The following LYRM7 variants were observed in gnomAD, a reference collection of about 807,000 sequenced individuals.
LYRM7 encodes complex III assembly factor LYRM7.
Under a neutral mutation model 15.8 loss-of-function variants are expected in LYRM7, and 9 were observed. That is an observed-to-expected ratio of 0.57 (90% CI 0.34 to 0.99). The LOEUF (loss-of-function observed/expected upper bound fraction) is 0.99. Among genes scored for constraint, LYRM7 ranks in the 50% least tolerant of loss-of-function variants. The pLI is 0.02. For synonymous variants in LYRM7, 39 were observed against 39.4 expected, an observed-to-expected ratio of 0.99 and a Z score of 0.04; for missense variants, 115 against 119.1, an observed-to-expected ratio of 0.97 and a Z score of 0.16.
At position 131,204,638 on chromosome 5, in the gene LYRM7, C is replaced by T. The variant is rs1369096920; in HGVS notation, c.*5037C>T. On this transcript the variant is annotated 3_prime_UTR_variant, in exon 5 of 5. Transcript: ENST00000379380. ...ATTTCAGATTTTCAGATTTGGAGTG[C>T]TCAACCAGTAAGTATATAATGCAAA... is the stretch of plus-strand genomic sequence containing the variant. The T allele has an allele frequency of 6.7e-6, 1 of 149,862 alleles. No individual in the cohort carries two copies. Among genetic ancestry groups the T allele is most frequent in the Non-Finnish European group, 1.5e-5 (1 of 67,698 alleles). 9.3% of individuals were successfully genotyped at this position (149,862 alleles called of 1,614,324 possible).
At position 131,181,453 on chromosome 5, in the gene LYRM7, A is replaced by AACATATATATGTATATATATAT. The variant is rs1173620682; in HGVS notation, c.92-775_92-774insCATATATATGTATATATATATA. 3.5e-4 allele frequency among the ~76,000 whole-genome samples: 44 copies of AACATATATATGTATATATATAT among 124,026 alleles called. 1 individual carries two copies. The highest frequency in any genetic ancestry group is 8.0e-4 in the Admixed American group (9 of 11,220). The allele number at this position is 124,026 out of a possible 152,430, so 81.4% of individuals were successfully genotyped here. ...TAACATATATATGTATATATATATAAAACATATATATGTATATATATATAA... is the reference window on the plus strand; with the variant it reads ...TAACATATATATGTATATATATATAAACATATATATGTATATATATATAACATATATATGTATATATATATAA... On this transcript the variant is annotated intron_variant, in intron 2 of 4. Transcript: ENST00000379380.
chr5:131,199,523 T>TCTTTC lies in LYRM7; in HGVS notation c.245-7_245-3dup. 3 of 1,562,230 alleles carry TCTTTC rather than the reference T, an allele frequency of 1.9e-6. No individual in the cohort carries two copies. Among genetic ancestry groups the TCTTTC allele is most frequent in the Non-Finnish European group, 2.6e-6 (3 of 1,155,356 alleles). On this transcript the variant is annotated splice_region_variant and splice_polypyrimidine_tract_variant and intron_variant, in intron 4 of 4. Transcript: ENST00000379380. ...TGTTAATTATTCTCTTTTTTTTTTT[T>TCTTTC]CTTTCAGAACTGGTCCCTAGGAAAG...
At chr5:131,182,872 A>G (rs1205715089) in intron 3 of LYRM7, among the ~76,000 whole-genome samples, 2 of 152,156 alleles carry the variant, frequency 1.3e-5, no homozygotes, top group Non-Finnish European at 2.9e-5. Context: ...TATATTATGT[A>G]TTCTGGCATA....
At chr5:131,189,768 C>G (rs1755856368) in intron 4 of LYRM7, among the ~76,000 whole-genome samples, 1 of 152,156 alleles carries the variant, frequency 6.6e-6, no homozygotes, top group South Asian at 2.1e-4. Flanking sequence ...TATAATAGAT[C>G]TTCCTACCTG....
chr5:131,197,541 C>CTTTTTTTTTTTTTTT (rs60003952), intron 4 of LYRM7, among the ~76,000 whole-genome samples: 2 of 90,748 alleles, frequency 2.2e-5, no homozygotes, highest in Non-Finnish European at 2.0e-5. Flanking sequence ...TGTCTTCTGT[C>CTTTTTTTTTTTTTTT]TTTTTTTTTT....
At chr5:131,191,447 A>G (rs1561547605) in intron 4 of LYRM7, among the ~76,000 whole-genome samples, 1 of 152,188 alleles carries the variant, frequency 6.6e-6, no homozygotes, top group Non-Finnish European at 1.5e-5. Flanking sequence ...TTGGAAGAGT[A>G]ATCACCTTGT....
chr5:131,181,275 G>GAAAAAA (rs1195878324), intron 2 of LYRM7, among the ~76,000 whole-genome samples: 2 of 8,340 alleles, frequency 2.4e-4, no homozygotes, highest in Non-Finnish European at 2.8e-4. Context: ...GACTCCATCT[G>GAAAAAA]AAAAAAAAAA....
intron 3 of LYRM7, among the ~76,000 whole-genome samples, chr5:131,183,060 A>G (rs956280894): frequency 2.6e-5 from 4 of 152,132 alleles, no homozygotes; most frequent in African/African-American, 9.7e-5. Flanking sequence ...TTTAAAAAGA[A>G]TCCTTTTTAA....
chr5:131,187,755 G>A (rs1015059246), intron 4 of LYRM7, among the ~76,000 whole-genome samples: 3 of 152,038 alleles, frequency 2.0e-5, no homozygotes, highest in African/African-American at 7.2e-5. Context: ...CAAAGTGCTG[G>A]TATTACATGC....
intron 1 of LYRM7, among the ~76,000 whole-genome samples, chr5:131,173,709 A>T (rs1390417234): frequency 2.6e-5 from 4 of 152,232 alleles, no homozygotes. Context: ...AGATCGCACC[A>T]TTGCACTCCA....
At chr5:131,175,749 G>GGTTTGGTTTGGTTTT (rs138957867) in intron 1 of LYRM7, among the ~76,000 whole-genome samples, 11 of 150,990 alleles carry the variant, frequency 7.3e-5, no homozygotes, top group Admixed American at 5.3e-4. Context: ...TGCCCAGGCT[G>GGTTTGGTTTGGTTTT]GTTTTGTTTT....
chr5:131,197,846 C>CTGTGTGTGTGTGTGTGTGTGTG (rs56146861), intron 4 of LYRM7, among the ~76,000 whole-genome samples: 21 of 143,288 alleles, frequency 1.5e-4, no homozygotes, highest in East Asian at 1.0e-3. Context: ...CATCTGGCCA[C>CTGTGTGTGTGTGTGTGTGTGTG]TGTGTGTGTG....
chr5:131,189,015 C>T (rs1325723163), intron 4 of LYRM7, among the ~76,000 whole-genome samples: 1 of 149,288 alleles, frequency 6.7e-6, no homozygotes, highest in Non-Finnish European at 1.5e-5. Context: ...GGCATGGTGG[C>T]GCATGCCTGT....
At chr5:131,189,277 A>G (rs1205289697) in intron 4 of LYRM7, among the ~76,000 whole-genome samples, 3 of 151,204 alleles carry the variant, frequency 2.0e-5, no homozygotes, top group African/African-American at 7.3e-5. Flanking sequence ...CCCCATCTCT[A>G]CTAAAAATAC....
intron 4 of LYRM7, among the ~76,000 whole-genome samples, chr5:131,196,634 A>G (rs1755969433): frequency 6.6e-6 from 1 of 151,838 alleles, no homozygotes; most frequent in Admixed American, 6.6e-5. Flanking sequence ...ATCACTAAGG[A>G]CAAGCACTAG....
intron 4 of LYRM7, among the ~76,000 whole-genome samples, 183 bp downstream of exon 4, chr5:131,187,292 A>T (rs1755812213): frequency 6.6e-6 from 1 of 152,152 alleles, no homozygotes; most frequent in Non-Finnish European, 1.5e-5. Context: ...GTTTTGCCAC[A>T]TTTGTTTCAA....
intron 3 of LYRM7, among the ~76,000 whole-genome samples, chr5:131,184,640 C>T (rs866237636): frequency 3.1e-5 from 4 of 127,434 alleles, no homozygotes; most frequent in African/African-American, 1.1e-4. Flanking sequence ...TTTTTTTTGG[C>T]GGGGGGGGGG....
At chr5:131,199,407 C>A (rs967630138) in intron 4 of LYRM7, 124 bp from the exon 5 acceptor site, 1 of 593,798 alleles carries the variant, frequency 1.7e-6, no homozygotes, top group Non-Finnish European at 2.8e-6. Context: ...AATAAAATAT[C>A]CCTGGAAGAT....
chr5:131,176,520 GTTT>G (rs60566113), intron 1 of LYRM7, among the ~76,000 whole-genome samples: 14 of 140,796 alleles, frequency 9.9e-5, no homozygotes, highest in African/African-American at 2.8e-4. Context: ...CCATTTATGG[GTTT>G]TTTTTTTTTT....
Sources: allele counts gnomAD v4.1 joint callset (sites outside exome capture counted in the v4.1 genomes callset), GRCh38; gene constraint gnomAD v4.1.1; transcripts MANE v1.5; gene names NCBI Gene and HGNC (gene_info 2026-07-23, HGNC 2026-07-21).